DIP2C: variants seen among roughly 807,000 people sequenced by gnomAD.
The protein encoded by DIP2C is disco-interacting protein 2 homolog C.
Under a neutral mutation model 192.4 loss-of-function variants are expected in DIP2C, and 33 were observed. The observed-to-expected ratio is 0.17, with a 90% confidence interval of 0.13 to 0.23. The LOEUF is 0.23. Ranked by LOEUF, DIP2C falls within the 10% of genes least tolerant of loss-of-function variation. The pLI, the probability that DIP2C is intolerant of heterozygous loss-of-function variation, is 1.00. For synonymous variants in DIP2C, 979 were observed against 864.1 expected (o/e 1.13, Z -2.33); for missense variants, 1,537 against 2,110.1 (o/e 0.73, Z 5.32).
At chr10:542,939 A>C (rs1848086753) in intron 1 of DIP2C, among the ~76,000 whole-genome samples, 2 of 152,268 alleles carry the variant, frequency 1.3e-5, no homozygotes, top group Non-Finnish European at 2.9e-5. Flanking sequence ...ATCAGATTCT[A>C]GTTCTTTTCT....
At chr10:466,234 A>C (rs1023222127) in intron 3 of DIP2C, among the ~76,000 whole-genome samples, 1 of 152,010 alleles carries the variant, frequency 6.6e-6, no homozygotes, top group Non-Finnish European at 1.5e-5. Context: ...AAATAATGCC[A>C]CATACCTACA....
chr10:348,492 G>A, intron 26 of DIP2C, 149 bp downstream of exon 26: 2 of 1,264,488 alleles, frequency 1.6e-6, no homozygotes, highest in Non-Finnish European at 2.2e-6. Flanking sequence ...GCTCCCTGCA[G>A]GTAGAGACCC....
intron 29 of DIP2C, among the ~76,000 whole-genome samples, chr10:330,379 G>A (rs1957450286): frequency 6.6e-6 from 1 of 152,092 alleles, no homozygotes; most frequent in African/African-American, 2.4e-5. Flanking sequence ...GATGGGGTAA[G>A]TGTGGATTTA....
At chr10:359,927 G>A (rs561838250) in intron 22 of DIP2C, among the ~76,000 whole-genome samples, 2 of 152,312 alleles carry the variant, frequency 1.3e-5, no homozygotes, top group East Asian at 1.9e-4. Flanking sequence ...GGCTGATGAA[G>A]CTCTGAGCCT....
At chr10:568,089 TCA>T (rs1849554195) in intron 1 of DIP2C, among the ~76,000 whole-genome samples, 1 of 152,156 alleles carries the variant, frequency 6.6e-6, no homozygotes, top group African/African-American at 2.4e-5. Flanking sequence ...GCGTGAGCTG[TCA>T]CAGCCCTGGA....
At chr10:565,354 T>TAAAATAAAAAAAAA (rs376030794) in intron 1 of DIP2C, among the ~76,000 whole-genome samples, 21 of 114,108 alleles carry the variant, frequency 1.8e-4, no homozygotes, top group African/African-American at 7.9e-4. Flanking sequence ...ACCTGCATTC[T>TAAAATAAAAAAAAA]AAAAAAAAAA....
At chr10:461,277 C>T (rs566124239) in intron 3 of DIP2C, among the ~76,000 whole-genome samples, 24 of 152,280 alleles carry the variant, frequency 1.6e-4, no homozygotes, top group Non-Finnish European at 2.5e-4. Context: ...AGTCAAGACC[C>T]GTTGGTGTGC....
At chr10:599,279 C>T (rs1851907601) in intron 1 of DIP2C, among the ~76,000 whole-genome samples, 1 of 152,194 alleles carries the variant, frequency 6.6e-6, no homozygotes, top group Non-Finnish European at 1.5e-5. Flanking sequence ...CTTACTAAGA[C>T]ACCCATTTAA....
intron 1 of DIP2C, among the ~76,000 whole-genome samples, chr10:686,500 C>G (rs780374516): frequency 2.4e-4 from 37 of 152,212 alleles, no homozygotes; most frequent in Non-Finnish European, 5.0e-4. Flanking sequence ...GGCCTCCTTA[C>G]CTGCATGGCC....
intron 2 of DIP2C, among the ~76,000 whole-genome samples, chr10:483,938 TCCC>T (rs972898957): frequency 1.6e-4 from 25 of 152,240 alleles, no homozygotes; most frequent in African/African-American, 5.5e-4. Flanking sequence ...TGCTTCAGCC[TCCC>T]ATATAGCTGG....
rs138489115 is a variant in DIP2C, at chr10:603,690, C to G, written c.85+85804G>C. On this transcript the variant is annotated intron_variant, in intron 1 of 36. Transcript: ENST00000280886. ...ACAAAAGGCTGATACAACAGGGTTA[C>G]TTTTCAAAGGTCTGGAGGTGAATAG... Among the ~76,000 whole-genome samples the G allele has an allele frequency of 2.5e-3, 382 of 152,344 alleles. 1 individual carries two copies. The highest frequency in any genetic ancestry group is 0.01 in the Middle Eastern group (3 of 294).
At chr10:643,995 A>C (rs1393274301) in intron 1 of DIP2C, among the ~76,000 whole-genome samples, 2 of 152,260 alleles carry the variant, frequency 1.3e-5, no homozygotes, top group Non-Finnish European at 2.9e-5. Context: ...AGTTCTGTTC[A>C]TTCTGCAGTG....
chr10:545,436 G>A (rs1848234147), intron 1 of DIP2C, among the ~76,000 whole-genome samples: 1 of 152,080 alleles, frequency 6.6e-6, no homozygotes, highest in Non-Finnish European at 1.5e-5. Flanking sequence ...GATTACAGGT[G>A]TGAGCCACCA....
Position 319,721 on chromosome 10 carries a change from T to C in DIP2C, c.3924+7285A>G, listed in dbSNP as rs75640955. On this transcript the variant is annotated intron_variant, in intron 31 of 36. Transcript: ENST00000280886. ...CCACTTTTATCATAAATTTAGTAAA[T>C]TGAAATTCTTTTAAAGTCATTTTTC... Among the ~76,000 whole-genome samples the C allele has an allele frequency of 7.4e-3, 1,122 of 152,338 alleles. 28 individuals carry two copies. In the East Asian group the frequency reaches 0.093, roughly 13 times the overall value.
At chr10:485,065 C>A (rs1843909253) in intron 2 of DIP2C, 2 of 1,310,630 alleles carry the variant, frequency 1.5e-6, no homozygotes, top group Non-Finnish European at 1.0e-6. Flanking sequence ...ACCAAGGGGA[C>A]CACAGGGCAC....
chr10:669,295 AAAG>A (rs1857302406), intron 1 of DIP2C: 1 of 152,224 alleles, frequency 6.6e-6, no homozygotes, highest in Non-Finnish European at 1.5e-5. Flanking sequence ...TGTTAGTCAA[AAAG>A]AAGACAAGAC....
At chr10:570,253 A>G (rs1374743031) in intron 1 of DIP2C, among the ~76,000 whole-genome samples, 1 of 152,160 alleles carries the variant, frequency 6.6e-6, no homozygotes, top group Non-Finnish European at 1.5e-5. Flanking sequence ...CATCTCATTT[A>G]AACTTCACAG....
intron 17 of DIP2C, among the ~76,000 whole-genome samples, chr10:376,760 A>G (rs1961649203): frequency 1.3e-5 from 2 of 152,118 alleles, no homozygotes; most frequent in Non-Finnish European, 2.9e-5. Context: ...ATGAACTAAT[A>G]AATTCACAGT....
intron 29 of DIP2C, 92 bp from the exon 30 acceptor site, chr10:329,693 A>T: frequency 6.8e-7 from 1 of 1,470,956 alleles, no homozygotes; most frequent in Non-Finnish European, 9.1e-7. Flanking sequence ...GACTCCAAGG[A>T]AAAGGAGGAC....
Sources: allele counts gnomAD v4.1 joint callset (sites outside exome capture counted in the v4.1 genomes callset), GRCh38; gene constraint gnomAD v4.1.1; transcripts MANE v1.5; gene names NCBI Gene and HGNC (gene_info 2026-07-23, HGNC 2026-07-21).